The following FAM13A variants were observed in gnomAD, a reference collection of about 807,000 sequenced individuals.
The protein encoded by FAM13A is protein FAM13A.
A neutral mutation model predicts 129.6 loss-of-function variants in FAM13A; 76 were observed. That is an observed-to-expected ratio of 0.59 (90% CI 0.49 to 0.71). FAM13A has a LOEUF of 0.71. Ranked by LOEUF, FAM13A falls within the 30% of genes least tolerant of loss-of-function variation. FAM13A has a pLI of 0.00. For synonymous variants in FAM13A, 443 were observed against 449.9 expected (o/e 0.98, Z 0.20); for missense variants, 1,108 against 1,249.3 (o/e 0.89, Z 1.70).
Position 88,750,640 on chromosome 4 carries a change from G to A in FAM13A, c.1727-3C>T. 1.3e-6 allele frequency: 2 copies of A among 1,584,970 alleles called. No homozygotes were observed. Among genetic ancestry groups the A allele is most frequent in the Non-Finnish European group, 1.7e-6 (2 of 1,173,854 alleles). ...GGAGGAGAAAGCAGGGATAGGCTCT[G>A]GAAGATAAGGGCAGTAAGATCAGGA... On this transcript the variant is annotated splice_polypyrimidine_tract_variant and splice_region_variant and intron_variant, in intron 14 of 23. Coordinates refer to ENST00000264344, the MANE Select transcript of FAM13A (RefSeq NM_014883.4).
intron 2 of FAM13A, among the ~76,000 whole-genome samples, chr4:89,026,099 A>G (rs1767926371): frequency 1.3e-5 from 2 of 152,236 alleles, no homozygotes; most frequent in African/African-American, 4.8e-5. Flanking sequence ...TATTCTAGGT[A>G]CCCGTAGTTG....
chr4:88,987,335 A>C (rs1306369483), intron 4 of FAM13A, among the ~76,000 whole-genome samples: 3 of 152,250 alleles, frequency 2.0e-5, no homozygotes, highest in Non-Finnish European at 4.4e-5. Context: ...GATAGTGAAT[A>C]GGGAGGAATA....
intron 7 of FAM13A, among the ~76,000 whole-genome samples, chr4:88,847,374 T>C (rs1297619040): frequency 2.6e-5 from 4 of 151,878 alleles, no homozygotes; most frequent in Admixed American, 1.3e-4. Flanking sequence ...CTGGGCAATA[T>C]AGTTAAAGCC....
At position 89,027,153 on chromosome 4, in the gene FAM13A, C is replaced by T. The variant is rs1768069350; in HGVS notation, c.217+2307G>A. Among the ~76,000 whole-genome samples, 3 of 152,246 alleles carry T rather than the reference C, an allele frequency of 2.0e-5. No homozygotes were observed. The South Asian group carries it at 6.2e-4, about 32-fold the overall frequency. ...GTTTTTTTCTCCTATACATACATAT[C>T]TATGACAAAGTTTAATTTAAAAAGT... On this transcript the variant is annotated intron_variant, in intron 2 of 23. Transcript: ENST00000264344.
intron 1 of FAM13A, among the ~76,000 whole-genome samples, chr4:89,036,257 G>T (rs1420221201): frequency 1.3e-5 from 2 of 152,180 alleles, no homozygotes; most frequent in Non-Finnish European, 2.9e-5. Flanking sequence ...ATTGAGAACT[G>T]GAGTAAAGGT....
At chr4:88,971,821 T>C (rs4555592) in intron 4 of FAM13A, among the ~76,000 whole-genome samples, 80,957 of 152,094 alleles carry the variant, frequency 0.53, 21,655 homozygotes, top group Middle Eastern at 0.62. Flanking sequence ...ACTTCTACTA[T>C]TTTTAATATC....
At chr4:88,904,165 GGTGGAAGTGTAAATTAGTTCAACCATT>G (rs1747769537) in intron 6 of FAM13A, among the ~76,000 whole-genome samples, 4 of 152,246 alleles carry the variant, frequency 2.6e-5, no homozygotes, top group Middle Eastern at 3.4e-3. Flanking sequence ...TTACAGTGTT[GGTGGAAGTGTAAATTAGTTCAACCATT>G]GTGGCAGAGA....
intron 6 of FAM13A, among the ~76,000 whole-genome samples, chr4:88,883,687 A>C (rs1743965188): frequency 6.6e-6 from 1 of 152,074 alleles, no homozygotes; most frequent in South Asian, 2.1e-4. Context: ...ATGAAATAGA[A>C]ACAAACAAAA....
intron 19 of FAM13A, among the ~76,000 whole-genome samples, chr4:88,742,894 T>C (rs981384389): frequency 2.6e-5 from 4 of 152,228 alleles, no homozygotes; most frequent in African/African-American, 4.8e-5. Context: ...AAAATCTTTA[T>C]GCTTCCTAAT....
intron 1 of FAM13A, among the ~76,000 whole-genome samples, chr4:89,030,120 T>C (rs756051355): frequency 2.6e-5 from 4 of 152,156 alleles, no homozygotes; most frequent in African/African-American, 7.2e-5. Flanking sequence ...TCATCTATAA[T>C]GACCATTATA....
intron 6 of FAM13A, among the ~76,000 whole-genome samples, chr4:88,851,732 A>C (rs770911154): frequency 6.6e-6 from 1 of 152,300 alleles, no homozygotes; most frequent in Non-Finnish European, 1.5e-5. Context: ...TTAAGGTAAT[A>C]AATAGGAAAA....
At chr4:88,756,084 T>C (rs193065451) in intron 14 of FAM13A, among the ~76,000 whole-genome samples, 2 of 152,238 alleles carry the variant, frequency 1.3e-5, no homozygotes, top group African/African-American at 2.4e-5. Context: ...ATTCTAATTA[T>C]GCAACTCTGA....
At position 88,886,829 on chromosome 4, in the gene FAM13A, C is replaced by A. The variant is rs182291279; in HGVS notation, c.843+19550G>T. 9.0e-4 allele frequency among the ~76,000 whole-genome samples: 137 copies of A among 152,006 alleles called. 3 individuals are homozygous for A. The highest frequency in any genetic ancestry group is 6.9e-3 in the South Asian group (33 of 4,804). On this transcript the variant is annotated intron_variant, in intron 6 of 23. Coordinates refer to ENST00000264344, the MANE Select transcript of FAM13A (RefSeq NM_014883.4). ...GGCTGAAGCACGAGAATCACTTGAA[C>A]CCGGGAGGTGGAGGTTGCAGTGAGC...
chr4:88,861,857 T>C (rs961134917), intron 6 of FAM13A, among the ~76,000 whole-genome samples: 4 of 152,260 alleles, frequency 2.6e-5, no homozygotes, highest in Admixed American at 1.3e-4. Flanking sequence ...TAGGTACTAC[T>C]ATTTCCATTT....
chr4:88,790,421 A>AT (rs1341664509), intron 9 of FAM13A, among the ~76,000 whole-genome samples, 165 bp downstream of exon 9: 1 of 151,948 alleles, frequency 6.6e-6, no homozygotes, highest in Non-Finnish European at 1.5e-5. Context: ...AAGAATACCT[A>AT]TGTAGTCCTC....
At chr4:88,775,363 G>A (rs1721485208) in intron 11 of FAM13A, among the ~76,000 whole-genome samples, 2 of 152,102 alleles carry the variant, frequency 1.3e-5, no homozygotes, top group African/African-American at 4.8e-5. Context: ...GTTCGGGTTG[G>A]GGTTGGGGAT....
At chr4:88,926,229 C>T (rs766920565) in intron 5 of FAM13A, among the ~76,000 whole-genome samples, 9 of 152,078 alleles carry the variant, frequency 5.9e-5, no homozygotes, top group Non-Finnish European at 8.8e-5. Flanking sequence ...AGGCTTACCC[C>T]CCATCCCTGG....
chr4:88,947,617 A>G (rs1167222928), intron 4 of FAM13A, among the ~76,000 whole-genome samples: 1 of 152,112 alleles, frequency 6.6e-6, no homozygotes, highest in East Asian at 1.9e-4. Context: ...CCTGCCATAC[A>G]AGGAAAGTAA....
rs140847870 is a variant in FAM13A, at chr4:88,781,300, A to C, written c.1323T>G (p.Asp441Glu). Reference protein sequence around the residue: ...NTPSGFNHLDDCILNTQEVEK... With the variant: ...NTPSGFNHLDECILNTQEVEK... ...CGACTTCCTGAGTATTCAAAATACA[A>C]TCATCAAGGTGGTTGAACCCAGAAG... is the stretch of plus-strand genomic sequence containing the variant. The change falls in exon 11 of 24, where the codon GAT becomes GAG. Residue 441 changes from aspartate (D) to glutamate (E), a missense_variant. Asp to Glu is a conservative substitution (Grantham distance 45). This residue lies in a region of FAM13A where 566 missense variants were observed against 595.7 expected (regional missense o/e 0.95). Transcript: ENST00000264344. The C allele has an allele frequency of 1.6e-5, 26 of 1,612,728 alleles. No homozygotes were observed. The African/African-American group carries it at 3.5e-4, about 22-fold the overall frequency.
Sources: allele counts gnomAD v4.1 joint callset (sites outside exome capture counted in the v4.1 genomes callset), GRCh38; gene constraint gnomAD v4.1.1; regional missense constraint gnomAD v4.1.1; transcripts MANE v1.5; gene names NCBI Gene and HGNC (gene_info 2026-07-23, HGNC 2026-07-21).